The following CCSER1 variants were observed in gnomAD, a reference collection of about 807,000 sequenced individuals.
CCSER1 encodes the protein coiled-coil serine rich protein 1.
CCSER1 carries 41 observed loss-of-function variants against 82.0 expected under a neutral mutation model. The ratio of observed to expected loss-of-function variants is 0.50; its 90% CI spans 0.39 to 0.65. CCSER1 has a LOEUF of 0.65. Ranked by LOEUF, CCSER1 falls within the 30% of genes least tolerant of loss-of-function variation. CCSER1 has a pLI of 0.00. For synonymous variants in CCSER1, 414 were observed against 383.9 expected, an observed-to-expected ratio of 1.08 and a Z score of -0.92; for missense variants, 1,119 against 1,064.2, an observed-to-expected ratio of 1.05 and a Z score of -0.72.
chr4:90,583,530 C>A (rs1579297622), intron 5 of CCSER1, among the ~76,000 whole-genome samples: 1 of 152,054 alleles, frequency 6.6e-6, no homozygotes, highest in Non-Finnish European at 1.5e-5. Flanking sequence ...TTTAGAAATA[C>A]ATTTTTATAG....
chr4:91,253,643 TAAAC>T (rs1560545023), intron 10 of CCSER1, among the ~76,000 whole-genome samples: 1 of 152,326 alleles, frequency 6.6e-6, no homozygotes, highest in South Asian at 2.1e-4. Flanking sequence ...TATAAAAATT[TAAAC>T]AAGATATAAC....
chr4:91,375,443 T>C (rs578231288), intron 10 of CCSER1, among the ~76,000 whole-genome samples: 2 of 151,906 alleles, frequency 1.3e-5, no homozygotes, highest in African/African-American at 4.8e-5. Flanking sequence ...TAAAATGTTA[T>C]CAAACAGCAT....
At chr4:91,165,407 G>A (rs1731931149) in intron 10 of CCSER1, among the ~76,000 whole-genome samples, 1 of 152,354 alleles carries the variant, frequency 6.6e-6, no homozygotes, top group East Asian at 1.9e-4. Context: ...TGAGGAGTCA[G>A]TCTGTCCTTC....
chr4:90,434,779 G>GA (rs1277729536), intron 4 of CCSER1, among the ~76,000 whole-genome samples: 8 of 152,126 alleles, frequency 5.3e-5, no homozygotes, highest in Non-Finnish European at 8.8e-5. Context: ...AGTAGTTGGG[G>GA]ATTTGGTAAA....
chr4:90,706,847 G>T (rs1479820829), intron 6 of CCSER1, among the ~76,000 whole-genome samples: 1 of 152,136 alleles, frequency 6.6e-6, no homozygotes, highest in Non-Finnish European at 1.5e-5. Flanking sequence ...TAAACCATTT[G>T]TCCTTTTTGA....
chr4:91,380,963 A>G (rs1429573965), intron 10 of CCSER1, among the ~76,000 whole-genome samples: 4 of 152,074 alleles, frequency 2.6e-5, no homozygotes, highest in Non-Finnish European at 4.4e-5. Flanking sequence ...ATCTCTCAGC[A>G]TTTGCTTGTC....
At chr4:91,540,602 T>A (rs1289132736) in intron 10 of CCSER1, among the ~76,000 whole-genome samples, 1 of 152,162 alleles carries the variant, frequency 6.6e-6, no homozygotes, top group Non-Finnish European at 1.5e-5. Context: ...ATTGTGCCTT[T>A]AGTGTATCTA....
At chr4:90,161,888 T>TC (rs1729521398) in intron 1 of CCSER1, among the ~76,000 whole-genome samples, 1 of 151,964 alleles carries the variant, frequency 6.6e-6, no homozygotes, top group Non-Finnish European at 1.5e-5. Flanking sequence ...GTGTTCTTTT[T>TC]CTCTACAAGC....
At chr4:90,682,170 C>T (rs991670656) in intron 6 of CCSER1, among the ~76,000 whole-genome samples, 1 of 151,536 alleles carries the variant, frequency 6.6e-6, no homozygotes, top group South Asian at 2.1e-4. Flanking sequence ...GAGAGTTCTT[C>T]CTAGAATGAG....
At chr4:91,584,488 T>C (rs2110323293) in intron 10 of CCSER1, among the ~76,000 whole-genome samples, 1 of 151,602 alleles carries the variant, frequency 6.6e-6, no homozygotes, top group African/African-American at 2.4e-5. Context: ...AGTAGATCAC[T>C]TTTATATCAA....
chr4:90,520,172 T>C (rs1256071428), intron 5 of CCSER1, among the ~76,000 whole-genome samples: 1 of 151,772 alleles, frequency 6.6e-6, no homozygotes, highest in East Asian at 1.9e-4. Flanking sequence ...GCAGCTTTTA[T>C]TTCTGTAGTT....
chr4:91,359,094 G>GACA (rs1553927884), intron 10 of CCSER1, among the ~76,000 whole-genome samples: 7 of 151,846 alleles, frequency 4.6e-5, no homozygotes, highest in Non-Finnish European at 7.4e-5. Flanking sequence ...CCTTTTAAGG[G>GACA]CTCACAACAC....
chr4:90,762,787 A>G (rs771352085), intron 7 of CCSER1, among the ~76,000 whole-genome samples: 2 of 152,150 alleles, frequency 1.3e-5, no homozygotes, highest in Non-Finnish European at 2.9e-5. Context: ...GAGCCTGTGT[A>G]TGTTACCTTA....
intron 3 of CCSER1, among the ~76,000 whole-genome samples, chr4:90,355,941 A>T (rs1425737316): frequency 6.6e-6 from 1 of 151,942 alleles, no homozygotes; most frequent in Non-Finnish European, 1.5e-5. Context: ...GAAATAGGCA[A>T]ATGTGAATTG....
intron 6 of CCSER1, among the ~76,000 whole-genome samples, chr4:90,682,265 A>T (rs976749755): frequency 1.3e-4 from 19 of 150,788 alleles, no homozygotes; most frequent in East Asian, 3.9e-4. Context: ...ATACCCTATT[A>T]AAAAAAAAGA....
intron 1 of CCSER1, among the ~76,000 whole-genome samples, chr4:90,251,213 G>A (rs982620066): frequency 6.6e-6 from 1 of 151,582 alleles, no homozygotes; most frequent in Non-Finnish European, 1.5e-5. Context: ...TTATTTAAGT[G>A]TTATAAATTT....
At chr4:90,389,606 C>G (rs1750639135) in intron 3 of CCSER1, among the ~76,000 whole-genome samples, 1 of 152,198 alleles carries the variant, frequency 6.6e-6, no homozygotes, top group South Asian at 2.1e-4. Context: ...AGTGATACAA[C>G]AGTAGAGACT....
chr4:90,810,977 T>C (rs7671272), intron 7 of CCSER1, among the ~76,000 whole-genome samples: 79,651 of 150,866 alleles, frequency 0.53, 21,347 homozygotes, highest in East Asian at 0.65. Flanking sequence ...GGACTACAGG[T>C]GCCCACCACC....
intron 10 of CCSER1, among the ~76,000 whole-genome samples, chr4:91,438,588 A>G (rs1754855922): frequency 1.3e-5 from 2 of 152,228 alleles, no homozygotes; most frequent in African/African-American, 2.4e-5. Flanking sequence ...CTCCTCCTCC[A>G]AAGGAACATA....
Sources: allele counts gnomAD v4.1 joint callset (sites outside exome capture counted in the v4.1 genomes callset), GRCh38; gene constraint gnomAD v4.1.1; transcripts MANE v1.5; gene names NCBI Gene and HGNC (gene_info 2026-07-23, HGNC 2026-07-21).